KCND2: variants seen among roughly 807,000 people sequenced by gnomAD.
The protein encoded by KCND2 is potassium voltage-gated channel subfamily D member 2.
A neutral mutation model predicts 54.4 loss-of-function variants in KCND2; 16 were observed. The observed-to-expected ratio is 0.29, with a 90% CI of 0.20 to 0.45. The LOEUF is 0.45. Ranked by LOEUF, KCND2 falls within the 20% of genes least tolerant of loss-of-function variation. The pLI is 1.00. For synonymous variants in KCND2, 317 were observed against 310.7 expected, an observed-to-expected ratio of 1.02 and a Z score of -0.21; for missense variants, 486 against 824.2, an observed-to-expected ratio of 0.59 and a Z score of 5.02.
At chr7:120,398,162 T>TAC (rs145122173) in intron 1 of KCND2, among the ~76,000 whole-genome samples, 1,689 of 147,360 alleles carry the variant, frequency 0.011, 7 homozygotes, top group African/African-American at 0.016. Context: ...TATACATATA[T>TAC]ACACACACAC....
chr7:120,310,981 T>C (rs6466742), intron 1 of KCND2, among the ~76,000 whole-genome samples: 19,053 of 151,466 alleles, frequency 0.13, 1,270 homozygotes, highest in African/African-American at 0.16. Flanking sequence ...CTGTATTACA[T>C]ATATTGCTTG....
chr7:120,523,127 G>T (rs562978649), intron 1 of KCND2, among the ~76,000 whole-genome samples: 1 of 152,104 alleles, frequency 6.6e-6, no homozygotes, highest in African/African-American at 2.4e-5. Context: ...TTCTTAAAGT[G>T]AGCCCATCCC....
intron 1 of KCND2, among the ~76,000 whole-genome samples, chr7:120,713,489 G>T (rs1000443523): frequency 6.6e-6 from 1 of 152,174 alleles, no homozygotes; most frequent in Non-Finnish European, 1.5e-5. Flanking sequence ...TCACAGTCAT[G>T]TTCCTTCAAA....
chr7:120,339,686 C>T (rs536572221), intron 1 of KCND2, among the ~76,000 whole-genome samples: 11 of 152,020 alleles, frequency 7.2e-5, no homozygotes, highest in Non-Finnish European at 1.6e-4. Context: ...CACACACGTG[C>T]GCACATAGAC....
chr7:120,690,009 C>T (rs975199928), intron 1 of KCND2, among the ~76,000 whole-genome samples: 1 of 152,180 alleles, frequency 6.6e-6, no homozygotes, highest in Non-Finnish European at 1.5e-5. Context: ...CAGCAATTCT[C>T]CTGGACCCTT....
intron 1 of KCND2, among the ~76,000 whole-genome samples, chr7:120,341,952 G>GT (rs2116367091): frequency 6.6e-6 from 1 of 152,246 alleles, no homozygotes; most frequent in East Asian, 1.9e-4. Flanking sequence ...AGAAACTATA[G>GT]TAACAATAGA....
rs903504335 is a variant in KCND2 at position 120,678,694 on chromosome 7, T to C, written c.1116-54209T>C. 9.6e-5 allele frequency among the ~76,000 whole-genome samples: 14 copies of C among 146,038 alleles called. No homozygotes were observed. In the East Asian group the frequency reaches 2.8e-3, roughly 29 times the overall value. On this transcript the variant is annotated intron_variant, in intron 1 of 5. Transcript: ENST00000331113. ...CATATGTGTGTACATTTACAGTTCATGTATCTATAGCACTTACACTATATA... is the reference window on the plus strand; with the variant it reads ...CATATGTGTGTACATTTACAGTTCACGTATCTATAGCACTTACACTATATA...
At chr7:120,474,812 A>G (rs1234913905) in intron 1 of KCND2, among the ~76,000 whole-genome samples, 2 of 152,082 alleles carry the variant, frequency 1.3e-5, no homozygotes, top group East Asian at 3.9e-4. Context: ...TTGTTTCTCT[A>G]TATATTGTCA....
chr7:120,358,506 C>CT (rs376340328), intron 1 of KCND2, among the ~76,000 whole-genome samples: 33 of 151,072 alleles, frequency 2.2e-4, no homozygotes, highest in East Asian at 5.8e-4. Flanking sequence ...TTAAGGTTTC[C>CT]TTTTTTTTTG....
intron 1 of KCND2, among the ~76,000 whole-genome samples, chr7:120,690,172 A>G (rs1275646915): frequency 6.6e-6 from 1 of 152,236 alleles, no homozygotes; most frequent in Non-Finnish European, 1.5e-5. Flanking sequence ...CAAGCATTCA[A>G]TAAACAATTA....
At chr7:120,600,118 AC>A (rs1233469014) in intron 1 of KCND2, among the ~76,000 whole-genome samples, 1 of 151,866 alleles carries the variant, frequency 6.6e-6, no homozygotes, top group Non-Finnish European at 1.5e-5. Flanking sequence ...AAGAGTCCAT[AC>A]TGGATAATCA....
At chr7:120,605,287 A>AT (rs1435026996) in intron 1 of KCND2, among the ~76,000 whole-genome samples, 3 of 152,178 alleles carry the variant, frequency 2.0e-5, no homozygotes, top group Non-Finnish European at 4.4e-5. Context: ...GAATTTGCCT[A>AT]TTCTAGACAC....
intron 1 of KCND2, among the ~76,000 whole-genome samples, chr7:120,577,578 G>A (rs1037577125): frequency 6.6e-6 from 1 of 151,938 alleles, no homozygotes; most frequent in Admixed American, 6.6e-5. Context: ...ACACCAAACC[G>A]TATTTTTTTG....
At chr7:120,520,385 A>C (rs1791673875) in intron 1 of KCND2, among the ~76,000 whole-genome samples, 1 of 152,170 alleles carries the variant, frequency 6.6e-6, no homozygotes, top group South Asian at 2.1e-4. Flanking sequence ...TTCTGCACAA[A>C]GTGAGAGAAA....
chr7:120,587,668 T>A (rs1050441436), intron 1 of KCND2, among the ~76,000 whole-genome samples: 3 of 152,204 alleles, frequency 2.0e-5, no homozygotes, highest in African/African-American at 7.2e-5. Flanking sequence ...CTTCATATAA[T>A]GATGAAAAAC....
chr7:120,734,894 G>A (rs140601961), intron 2 of KCND2, among the ~76,000 whole-genome samples: 7 of 151,978 alleles, frequency 4.6e-5, no homozygotes, highest in East Asian at 1.9e-4. Flanking sequence ...TCTTAAGCAC[G>A]CATATGAACA....
At chr7:120,640,753 A>G (rs1793361332) in intron 1 of KCND2, among the ~76,000 whole-genome samples, 1 of 152,200 alleles carries the variant, frequency 6.6e-6, no homozygotes, top group Non-Finnish European at 1.5e-5. Context: ...ATTTCATTGC[A>G]TTGCATGGAT....
chr7:120,714,408 A>G (rs1022509952), intron 1 of KCND2, among the ~76,000 whole-genome samples: 3 of 152,140 alleles, frequency 2.0e-5, no homozygotes, highest in African/African-American at 4.8e-5. Flanking sequence ...AAAGCATTCA[A>G]CTATAATTTG....
chr7:120,435,091 T>TTTTATTTATTTA (rs58887227), intron 1 of KCND2, among the ~76,000 whole-genome samples: 11,909 of 149,284 alleles, frequency 0.08, 584 homozygotes, highest in Admixed American at 0.12. Flanking sequence ...AAACAATAAA[T>TTTTATTTATTTA]TTTATTTATT....
Sources: gnomAD v4.1 joint callset for allele counts (sites outside exome capture counted in the v4.1 genomes callset) on GRCh38, gnomAD v4.1.1 for gene constraint, MANE v1.5 for transcripts, NCBI Gene and HGNC (gene_info 2026-07-23, HGNC 2026-07-21) for gene names.